The following UBR4 variants were observed in gnomAD, a reference collection of about 807,000 sequenced individuals.
The protein encoded by UBR4 is E3 ubiquitin-protein ligase UBR4.
In UBR4, 124 loss-of-function variants were observed where a neutral mutation model predicts 575.6. That is an observed-to-expected ratio of 0.22 (90% CI 0.19 to 0.25). The LOEUF (loss-of-function observed/expected upper bound fraction) is 0.25. Among genes scored for constraint, UBR4 ranks in the 10% least tolerant of loss-of-function variants. The pLI is 1.00. For synonymous variants in UBR4, 2,455 were observed against 2,473.7 expected, an observed-to-expected ratio of 0.99 and a Z score of 0.22; for missense variants, 4,818 against 6,478.8, an observed-to-expected ratio of 0.74 and a Z score of 8.80.
In UBR4 at chr1:19,138,149, T is replaced by C. The variant is rs111415954; in HGVS notation, c.8764A>G (p.Thr2922Ala). The C allele has an allele frequency of 2.3e-5, 37 of 1,583,132 alleles. No homozygotes were observed. The highest frequency in any genetic ancestry group is 3.3e-4 in the Middle Eastern group (2 of 5,990). ...SGRSSAYGDA[T>A]AEGHPAGPGS... ...GGTCCAGCCGGATGCCCCTCAGCTG[T>C]AGCATCGCCATAAGCACTGCTCCGG... Residue 2922 changes from threonine (T) to alanine (A), a missense_variant, in exon 60 of 106, where the codon ACA becomes GCA. Thr to Ala is a moderately conservative substitution (Grantham distance 58). Transcript: ENST00000375254.
chr1:19,206,450 C>T (rs562137731), intron 1 of UBR4, among the ~76,000 whole-genome samples: 24 of 152,212 alleles, frequency 1.6e-4, no homozygotes, highest in African/African-American at 3.6e-4. Flanking sequence ...CTCAGCCTCC[C>T]GAGTAGCTGG....
At chr1:19,143,471 G>A (rs1323810611) in intron 55 of UBR4, among the ~76,000 whole-genome samples, 1 of 152,126 alleles carries the variant, frequency 6.6e-6, no homozygotes. Flanking sequence ...TGTGTATTGT[G>A]TATTGTGTAC....
chr1:19,127,964 C>G (rs1196261190), intron 62 of UBR4, among the ~76,000 whole-genome samples: 1 of 152,176 alleles, frequency 6.6e-6, no homozygotes, highest in South Asian at 2.1e-4. Context: ...AATGTTCTCA[C>G]CTCACTGAGC....
At chr1:19,087,569 C>T (rs2077135715) in intron 99 of UBR4, among the ~76,000 whole-genome samples, 1 of 152,200 alleles carries the variant, frequency 6.6e-6, no homozygotes, top group Non-Finnish European at 1.5e-5. Context: ...AGCATGAGGC[C>T]TCACATATAG....
intron 70 of UBR4, 23 bp downstream of exon 70, chr1:19,119,534 T>A: frequency 6.2e-7 from 1 of 1,606,772 alleles, no homozygotes. Context: ...AGTTGGCCCC[T>A]CTGACCATAA....
intron 1 of UBR4, among the ~76,000 whole-genome samples, chr1:19,207,776 GAA>G (rs112247952): frequency 7.0e-6 from 1 of 143,386 alleles, no homozygotes; most frequent in Non-Finnish European, 1.5e-5. Flanking sequence ...AAGAGTGGTT[GAA>G]AAAAAAAAAA....
At chr1:19,128,729 G>A (rs865806489) in intron 61 of UBR4, among the ~76,000 whole-genome samples, 8 of 152,338 alleles carry the variant, frequency 5.3e-5, no homozygotes, top group Middle Eastern at 6.8e-3. Context: ...CAGAATCTCA[G>A]AAGTGGGCTT....
intron 7 of UBR4, 24 bp downstream of exon 7, chr1:19,197,646 C>T (rs375202404): frequency 1.2e-6 from 2 of 1,612,388 alleles, no homozygotes; most frequent in African/African-American, 1.3e-5. Context: ...AAAAGTAAAG[C>T]ATGTGCACTG....
At chr1:19,128,076 G>T in intron 62 of UBR4, 135 bp downstream of exon 62, 1 of 854,858 alleles carries the variant, frequency 1.2e-6, no homozygotes, top group Non-Finnish European at 1.9e-6. Context: ...CGCTTTTGTT[G>T]ACTCAACAGA....
chr1:19,115,251 T>C (rs2080391602), intron 74 of UBR4, 147 bp downstream of exon 74: 3 of 1,250,886 alleles, frequency 2.4e-6, no homozygotes, highest in Non-Finnish European at 3.2e-6. Flanking sequence ...TCCTCCTCCC[T>C]TTCTACCCTT....
chr1:19,162,772 C>T (rs1349694305), intron 34 of UBR4, among the ~76,000 whole-genome samples, 161 bp from the exon 35 acceptor site: 1 of 152,176 alleles, frequency 6.6e-6, no homozygotes, highest in African/African-American at 2.4e-5. Flanking sequence ...TTTACCACTC[C>T]GTCCCCACGT....
intron 19 of UBR4, 80 bp downstream of exon 19, chr1:19,177,381 G>A: frequency 1.3e-6 from 2 of 1,548,208 alleles, no homozygotes; most frequent in South Asian, 1.2e-5. Flanking sequence ...TAGGTCATTT[G>A]GGCTGCGGAT....
At chr1:19,146,800 A>G (rs2084935935) in intron 52 of UBR4, 26 bp downstream of exon 52, 1 of 1,603,640 alleles carries the variant, frequency 6.2e-7, no homozygotes, top group East Asian at 2.2e-5. Flanking sequence ...AGATCTCAGG[A>G]CCACGGCCAC....
In UBR4 at chr1:19,094,931, T is replaced by C. The variant is rs768098413; in HGVS notation, c.13721A>G (p.Asn4574Ser). 3.7e-6 allele frequency: 6 copies of C among 1,613,872 alleles called. No individual in the cohort carries two copies. The highest frequency in any genetic ancestry group is 2.2e-5 in the East Asian group (1 of 44,880). Residue 4574 changes from asparagine to serine, a missense_variant, in exon 94 of 106, where the codon AAT becomes AGT. Transcript: ENST00000375254. Reference sequence around the variant, plus strand: ...CTTGTCCTCACTCAGGGGCTCAGCATTGGACTCATCTAGAATGATCTCCAT... The same window carrying C: ...CTTGTCCTCACTCAGGGGCTCAGCACTGGACTCATCTAGAATGATCTCCAT... ...SIMEIILDESNAEPLSEDKGN... is the reference protein window; with the variant it reads ...SIMEIILDESSAEPLSEDKGN...
At chr1:19,108,326 A>C (rs186450473) in intron 81 of UBR4, among the ~76,000 whole-genome samples, 72 of 152,220 alleles carry the variant, frequency 4.7e-4, no homozygotes, top group Non-Finnish European at 4.4e-5. Flanking sequence ...CACTTCATTC[A>C]TTTTGAGGAA....
intron 49 of UBR4, 138 bp from the exon 50 acceptor site, chr1:19,148,764 G>T: frequency 2.3e-6 from 2 of 864,816 alleles, no homozygotes; most frequent in Non-Finnish European, 3.6e-6. Context: ...AATAAGACCT[G>T]CCACAGGCAC....
chr1:19,199,993 A>G (rs1419728476), intron 2 of UBR4, among the ~76,000 whole-genome samples: 1 of 152,246 alleles, frequency 6.6e-6, no homozygotes, highest in Non-Finnish European at 1.5e-5. Flanking sequence ...CACCAGTGCC[A>G]AGCACTTCAA....
At chr1:19,162,048 G>T in intron 35 of UBR4, 151 bp from the exon 36 acceptor site, 1 of 914,130 alleles carries the variant, frequency 1.1e-6, no homozygotes, top group Non-Finnish European at 1.7e-6. Flanking sequence ...TAGCTAGCTG[G>T]CTGAAAATCT....
chr1:19,093,032 C>G lies in UBR4; in HGVS notation c.14112-114G>C, dbSNP rs1232784788. 1.0e-6 allele frequency: 1 copy of G among 978,388 alleles called. No individual in the cohort carries two copies. The highest frequency in any genetic ancestry group is 2.6e-5 in the East Asian group (1 of 38,470). The allele number at this position is 978,388 out of a possible 1,614,324, so 60.6% of individuals were successfully genotyped here. A position where few individuals can be genotyped will look rare whatever the true frequency, so the allele number is the denominator to read the frequency against. The stretch of plus-strand genomic sequence containing the variant: ...AGGGCATGATTAACCGTGACCCTCT[C>G]CGAGTGTCATAAAGAATCACATAGA... On this transcript the variant is annotated intron_variant, in intron 96 of 105. Coordinates refer to ENST00000375254, the MANE Select transcript of UBR4 (RefSeq NM_020765.3). The surrounding 1 kb of genome is among the most constrained non-coding windows in gnomAD (Gnocchi z 4.8).
Sources: gnomAD v4.1 joint callset for allele counts (sites outside exome capture counted in the v4.1 genomes callset) on GRCh38, gnomAD v4.1.1 for gene constraint, Gnocchi (gnomAD v3.1) non-coding constraint, MANE v1.5 for transcripts, NCBI Gene and HGNC (gene_info 2026-07-23, HGNC 2026-07-21) for gene names.